The following NPAS3 variants were observed in gnomAD, a reference collection of about 807,000 sequenced individuals.
NPAS3 encodes the protein neuronal PAS domain protein 3.
A neutral mutation model predicts 73.1 loss-of-function variants in NPAS3; 14 were observed. The ratio of observed to expected loss-of-function variants is 0.19; its 90% CI spans 0.13 to 0.30. The LOEUF (loss-of-function observed/expected upper bound fraction) is 0.30, where lower values mean the gene tolerates loss of function less well. NPAS3 is among the 10% of genes least tolerant of loss of function. NPAS3 has a pLI of 1.00. For missense variants in NPAS3, 1,096 were observed against 1,250.0 expected, an observed-to-expected ratio of 0.88 and a Z score of 1.86; for synonymous variants, 620 against 541.5, an observed-to-expected ratio of 1.14 and a Z score of -2.01.
At chr14:33,289,317 A>ATG (rs2140101059) in intron 3 of NPAS3, among the ~76,000 whole-genome samples, 1 of 152,214 alleles carries the variant, frequency 6.6e-6, no homozygotes, top group Admixed American at 6.5e-5. Flanking sequence ...TTATATATGT[A>ATG]TGTGTGTGCA....
intron 5 of NPAS3, among the ~76,000 whole-genome samples, chr14:33,590,156 A>G (rs1354102015): frequency 6.6e-6 from 1 of 152,190 alleles, no homozygotes; most frequent in East Asian, 1.9e-4. Flanking sequence ...ATTCCTCAGT[A>G]TATTATTTGC....
intron 2 of NPAS3, among the ~76,000 whole-genome samples, chr14:33,192,789 C>T (rs937309276): frequency 2.0e-5 from 3 of 152,148 alleles, no homozygotes; most frequent in Non-Finnish European, 4.4e-5. Flanking sequence ...ATTGCACTGT[C>T]GAGACGTAGA....
intron 5 of NPAS3, among the ~76,000 whole-genome samples, chr14:33,644,834 GC>G (rs2058777897): frequency 6.6e-6 from 1 of 152,126 alleles, no homozygotes; most frequent in African/African-American, 2.4e-5. Context: ...TGTAATCCCA[GC>G]ACTTTGAGAG....
intron 3 of NPAS3, among the ~76,000 whole-genome samples, chr14:33,360,927 C>T (rs1157930830): frequency 1.3e-5 from 2 of 152,108 alleles, no homozygotes; most frequent in South Asian, 2.1e-4. Flanking sequence ...ACGTTGACCT[C>T]ATTCCCTCAA....
chr14:33,029,295 T>C (rs1441029720), intron 1 of NPAS3, among the ~76,000 whole-genome samples: 1 of 152,158 alleles, frequency 6.6e-6, no homozygotes, highest in Non-Finnish European at 1.5e-5. Flanking sequence ...AGTCAGTTTC[T>C]TAGAATAATA....
At chr14:33,348,949 G>A (rs909632936) in intron 3 of NPAS3, among the ~76,000 whole-genome samples, 1 of 152,084 alleles carries the variant, frequency 6.6e-6, no homozygotes, top group African/African-American at 2.4e-5. Context: ...TTTCCTACTT[G>A]AGTTTTCACT....
intron 1 of NPAS3, among the ~76,000 whole-genome samples, chr14:32,955,744 A>G (rs925027417): frequency 5.3e-5 from 8 of 152,134 alleles, no homozygotes; most frequent in Admixed American, 5.2e-4. Flanking sequence ...AATTCTGCCT[A>G]TTGATATTTA....
At chr14:33,776,909 G>T (rs1387367832) in intron 8 of NPAS3, among the ~76,000 whole-genome samples, 2 of 152,140 alleles carry the variant, frequency 1.3e-5, no homozygotes, top group African/African-American at 4.8e-5. Flanking sequence ...ACAGGCTCTG[G>T]TACAGAGAAG....
At chr14:33,346,141 C>A (rs1429528808) in intron 3 of NPAS3, among the ~76,000 whole-genome samples, 2 of 151,212 alleles carry the variant, frequency 1.3e-5, no homozygotes, top group African/African-American at 4.9e-5. Context: ...AGGAGAATTG[C>A]TTGAACCCGG....
chr14:33,340,367 C>T (rs534868439), intron 3 of NPAS3, among the ~76,000 whole-genome samples: 4 of 152,122 alleles, frequency 2.6e-5, no homozygotes, highest in South Asian at 2.1e-4. Flanking sequence ...TGGTGGTGGG[C>T]GCCTGTAATC....
chr14:33,550,110 G>A (rs1374545804), intron 4 of NPAS3, among the ~76,000 whole-genome samples: 1 of 151,980 alleles, frequency 6.6e-6, no homozygotes, highest in African/African-American at 2.4e-5. Context: ...CTTTCATTCT[G>A]TTCCTCAATT....
intron 1 of NPAS3, among the ~76,000 whole-genome samples, chr14:32,941,302 T>C (rs2035999581): frequency 1.5e-5 from 1 of 68,922 alleles, no homozygotes; most frequent in Non-Finnish European, 2.8e-5. Context: ...CCTCCCTCCC[T>C]CCCTCCCTCC....
intron 2 of NPAS3, among the ~76,000 whole-genome samples, chr14:33,108,938 C>T (rs959572421): frequency 2.0e-5 from 3 of 152,144 alleles, no homozygotes; most frequent in Non-Finnish European, 4.4e-5. Context: ...GTGATCGCAT[C>T]TAACAAAGAT....
chr14:33,667,846 G>C (rs2059498482), intron 5 of NPAS3, among the ~76,000 whole-genome samples: 1 of 151,952 alleles, frequency 6.6e-6, no homozygotes, highest in Non-Finnish European at 1.5e-5. Flanking sequence ...TTCTTAACAT[G>C]GGCTAACCAC....
In NPAS3 at chr14:33,799,934, G is replaced by A. The variant is rs143543010; in HGVS notation, c.1627G>A (p.Gly543Ser). ...CTCGGACTTTGAGAACCCCAAGGCGGGCGAGGACGGCTTCGGTGCTCTGGG... is the reference window on the plus strand; with the variant it reads ...CTCGGACTTTGAGAACCCCAAGGCGAGCGAGGACGGCTTCGGTGCTCTGGG... The change falls in exon 12 of 12, where the codon GGC becomes AGC. Residue 543 changes from glycine (G) to serine (S), a missense_variant. Physicochemically the swap from Gly to Ser is moderately conservative, Grantham distance 56. Around this residue, in one of 5 missense-constraint regions of NPAS3, gnomAD observed 698 missense variants for 676.7 expected, o/e 1.03. Transcript: ENST00000356141. The A allele has an allele frequency of 1.9e-6, 3 of 1,614,036 alleles. No homozygotes were observed. In the African/African-American group the frequency reaches 4.0e-5, roughly 22 times the overall value.
At position 33,672,856 on chromosome 14, in the gene NPAS3, A is replaced by C. The variant is rs1217315296; in HGVS notation, c.559-3355A>C. Among the ~76,000 whole-genome samples, 4 of 152,338 alleles carry C rather than the reference A, an allele frequency of 2.6e-5. No homozygotes were observed. The East Asian group carries it at 7.7e-4, about 29-fold the overall frequency. ...GGGACTGTAGGGCTTTTTCCCATTA[A>C]ATCAGGAGGTATTAATAGATGGTTT... On this transcript the variant is annotated intron_variant, in intron 5 of 11. Coordinates refer to ENST00000356141, the Ensembl canonical transcript of NPAS3.
At position 33,714,465 on chromosome 14, in the gene NPAS3, A is replaced by AG. The variant is rs1426400598; in HGVS notation, c.734-20749_734-20748insG. On this transcript the variant is annotated intron_variant, in intron 6 of 11. Transcript: ENST00000356141. ...CCCATGATGGCTTACACCAATTACG[A>AG]TCCATACTTGGGGGTGAACTTGCTT... is the stretch of plus-strand genomic sequence containing the variant. 1.7e-4 allele frequency among the ~76,000 whole-genome samples: 26 copies of AG among 152,228 alleles called. 1 individual carries two copies. The East Asian group carries it at 1.7e-3, about 10-fold the overall frequency.
At position 33,297,086 on chromosome 14, in the gene NPAS3, A is replaced by G. The variant is rs538583179; in HGVS notation, c.386-70100A>G. Among the ~76,000 whole-genome samples, 268 of 152,328 alleles carry G rather than the reference A, an allele frequency of 1.8e-3. 2 individuals carry two copies. The highest frequency in any genetic ancestry group is 3.4e-3 in the Middle Eastern group (1 of 294). On this transcript the variant is annotated intron_variant, in intron 3 of 11. Transcript: ENST00000356141. The stretch of plus-strand genomic sequence containing the variant: ...AAAAATCAAAAGACTTTGAATTTAC[A>G]TAAACTGAAAACATAACTAGAATGG...
intron 5 of NPAS3, among the ~76,000 whole-genome samples, chr14:33,656,659 G>T (rs7156845): frequency 6.6e-6 from 1 of 151,920 alleles, no homozygotes; most frequent in African/African-American, 2.4e-5. Flanking sequence ...GTGAACTGAG[G>T]TTACTCTAGT....
Sources: allele counts gnomAD v4.1 joint callset (sites outside exome capture counted in the v4.1 genomes callset), GRCh38; gene constraint gnomAD v4.1.1; regional missense constraint gnomAD v4.1.1; transcripts MANE v1.5; gene names NCBI Gene and HGNC (gene_info 2026-07-23, HGNC 2026-07-21).